Variants in PCDH15 observed in about 807,000 individuals in gnomAD.
The protein encoded by PCDH15 is protocadherin related 15, also known as protocadherin-15.
PCDH15 carries 129 observed loss-of-function variants against 178.5 expected under a neutral mutation model. That is an observed-to-expected ratio of 0.72 (90% confidence interval 0.63 to 0.84). The LOEUF (loss-of-function observed/expected upper bound fraction) is 0.84, where lower values mean the gene tolerates loss of function less well. Ranked by LOEUF, PCDH15 falls within the 40% of genes least tolerant of loss-of-function variation. The pLI, the probability that PCDH15 is intolerant of heterozygous loss-of-function variation, is 0.00. For missense variants in PCDH15, 2,230 were observed against 2,099.9 expected, an observed-to-expected ratio of 1.06 and a Z score of -1.21; for synonymous variants, 800 against 732.0, an observed-to-expected ratio of 1.09 and a Z score of -1.50.
At chr10:54,011,284 C>G (rs1170470998) in intron 20 of PCDH15, among the ~76,000 whole-genome samples, 1 of 152,336 alleles carries the variant, frequency 6.6e-6, no homozygotes, top group Non-Finnish European at 1.5e-5. Context: ...CACCTCCAGA[C>G]AGCTGCATCA....
At chr10:54,050,928 G>A (rs2093759164) in intron 18 of PCDH15, among the ~76,000 whole-genome samples, 1 of 152,168 alleles carries the variant, frequency 6.6e-6, no homozygotes, top group Non-Finnish European at 1.5e-5. Flanking sequence ...TCTCGTGATA[G>A]TAATTGAGTT....
chr10:54,609,841 T>C (rs920728268), intron 2 of PCDH15, among the ~76,000 whole-genome samples: 11 of 152,046 alleles, frequency 7.2e-5, no homozygotes, highest in Admixed American at 1.3e-4. Flanking sequence ...AGAGGAAATG[T>C]ATGTGAAGGC....
intron 2 of PCDH15, among the ~76,000 whole-genome samples, chr10:55,064,680 C>T (rs999683401): frequency 1.3e-5 from 2 of 151,862 alleles, no homozygotes; most frequent in Non-Finnish European, 2.9e-5. Flanking sequence ...GCCAAAAGAC[C>T]TAGGATGTCA....
intron 15 of PCDH15, among the ~76,000 whole-genome samples, chr10:54,128,052 G>C (rs1216023787): frequency 3.3e-5 from 5 of 152,096 alleles, no homozygotes; most frequent in Admixed American, 6.6e-5. Context: ...TGCTGGGATA[G>C]AGAGGATGAA....
intron 2 of PCDH15, among the ~76,000 whole-genome samples, chr10:54,943,488 C>T (rs1024678437): frequency 1.8e-4 from 27 of 151,804 alleles, no homozygotes; most frequent in Non-Finnish European, 7.4e-5. Flanking sequence ...AAGTGATTTG[C>T]CCCTGGTGCA....
At chr10:55,624,386 T>G (rs1218529773) in intron 2 of PCDH15, among the ~76,000 whole-genome samples, 1 of 151,176 alleles carries the variant, frequency 6.6e-6, no homozygotes, top group African/African-American at 2.5e-5. Flanking sequence ...CATTAAAGCA[T>G]GCAAGCTGCA....
chr10:55,333,166 A>G (rs1056044591), intron 2 of PCDH15, among the ~76,000 whole-genome samples: 6 of 152,188 alleles, frequency 3.9e-5, no homozygotes, highest in African/African-American at 1.2e-4. Flanking sequence ...TAACTTTAAC[A>G]TCATAATAAG....
At chr10:54,555,498 G>A (rs757877015) in intron 2 of PCDH15, among the ~76,000 whole-genome samples, 1 of 151,806 alleles carries the variant, frequency 6.6e-6, no homozygotes, top group Non-Finnish European at 1.5e-5. Context: ...GTGGGAGGCC[G>A]AGGCGGGCAG....
rs1841160484 is a variant in PCDH15, at chr10:53,806,433, C to G, written c.*146G>C. The G allele has an allele frequency of 1.4e-6, 1 of 696,364 alleles. No individual in the cohort carries two copies. Among genetic ancestry groups the G allele is most frequent in the Non-Finnish European group, 2.3e-6 (1 of 433,186 alleles). The allele number at this position is 696,364 out of a possible 1,614,324, so 43.1% of individuals were successfully genotyped here. A position where few individuals can be genotyped will look rare whatever the true frequency, so the allele number is the denominator to read the frequency against. ...GATAACAATGTGAGTGCAAATCTGT[C>G]TCTTAAAATTTTAAAGCATATTGTT... On this transcript the variant is annotated 3_prime_UTR_variant, in exon 38 of 38. Coordinates refer to ENST00000644397, the MANE Select transcript of PCDH15 (RefSeq NM_001384140.1).
intron 2 of PCDH15, among the ~76,000 whole-genome samples, chr10:55,554,199 T>C (rs1842047305): frequency 6.6e-6 from 1 of 152,106 alleles, no homozygotes; most frequent in Non-Finnish European, 1.5e-5. Context: ...CAGTGCCACA[T>C]TTGCATTAGG....
chr10:55,534,145 A>G (rs1358903332), intron 2 of PCDH15, among the ~76,000 whole-genome samples: 1 of 152,092 alleles, frequency 6.6e-6, no homozygotes, highest in Non-Finnish European at 1.5e-5. Context: ...CCTAGGAAAT[A>G]CCCTTCTCAA....
At chr10:54,893,540 T>G (rs534804767) in intron 3 of PCDH15, among the ~76,000 whole-genome samples, 1 of 152,198 alleles carries the variant, frequency 6.6e-6, no homozygotes, top group East Asian at 1.9e-4. Context: ...CTTGCTTGGT[T>G]AGTGTGTATG....
At chr10:55,011,416 G>A (rs10825429) in intron 2 of PCDH15, among the ~76,000 whole-genome samples, 80,166 of 151,834 alleles carry the variant, frequency 0.53, 22,195 homozygotes, top group East Asian at 0.75. Context: ...ATACTTAGAC[G>A]TGGAAATTAG....
chr10:54,842,417 C>T (rs930645596), intron 3 of PCDH15, among the ~76,000 whole-genome samples: 9 of 151,800 alleles, frequency 5.9e-5, no homozygotes, highest in African/African-American at 2.2e-4. Context: ...CCGTCTGCAT[C>T]CATTTCTTAG....
intron 1 of PCDH15, among the ~76,000 whole-genome samples, chr10:54,789,656 C>G (rs959220116): frequency 1.3e-5 from 2 of 151,832 alleles, no homozygotes; most frequent in African/African-American, 4.8e-5. Flanking sequence ...TGTTTAAATG[C>G]AACTATTTAT....
At chr10:54,580,792 A>C (rs1209680127) in intron 2 of PCDH15, among the ~76,000 whole-genome samples, 1 of 152,140 alleles carries the variant, frequency 6.6e-6, no homozygotes, top group East Asian at 1.9e-4. Flanking sequence ...GTAGTTCAAC[A>C]TGTGCAAATC....
At chr10:55,366,311 C>T (rs1845359866) in intron 2 of PCDH15, 1 of 151,886 alleles carries the variant, frequency 6.6e-6, no homozygotes, top group African/African-American at 2.4e-5. Flanking sequence ...TGAATAAGAC[C>T]AATAAAGTAA....
intron 2 of PCDH15, among the ~76,000 whole-genome samples, chr10:55,428,111 G>C (rs1488586372): frequency 2.0e-5 from 3 of 151,954 alleles, no homozygotes; most frequent in Non-Finnish European, 2.9e-5. Flanking sequence ...CAGAGATAAT[G>C]TGTCTTTGAG....
At chr10:55,521,202 C>G (rs1465161594) in intron 2 of PCDH15, among the ~76,000 whole-genome samples, 2 of 151,986 alleles carry the variant, frequency 1.3e-5, no homozygotes, top group African/African-American at 4.8e-5. Flanking sequence ...GCTTCGTTCA[C>G]TTAGCATAAT....
Sources: allele counts gnomAD v4.1 joint callset (sites outside exome capture counted in the v4.1 genomes callset), GRCh38; gene constraint gnomAD v4.1.1; transcripts MANE v1.5; gene names NCBI Gene and HGNC (gene_info 2026-07-23, HGNC 2026-07-21).